DCLK2: variants seen among roughly 807,000 people sequenced by gnomAD.
DCLK2 encodes doublecortin like kinase 2.
Under a neutral mutation model 78.4 loss-of-function variants are expected in DCLK2, and 31 were observed. The observed-to-expected ratio is 0.40, with a 90% confidence interval of 0.30 to 0.53. The LOEUF is 0.53. DCLK2 is among the 20% of genes least tolerant of loss of function. DCLK2 has a pLI of 0.61. For missense variants in DCLK2, 872 were observed against 973.7 expected, an observed-to-expected ratio of 0.90 and a Z score of 1.39; for synonymous variants, 407 against 374.9, an observed-to-expected ratio of 1.09 and a Z score of -0.99.
rs147608927 is a variant in DCLK2 at position 150,209,192 on chromosome 4, C to T, written c.1056+5303C>T. Among the ~76,000 whole-genome samples the T allele has an allele frequency of 4.6e-3, 699 of 152,350 alleles. 9 individuals carry two copies. The highest frequency in any genetic ancestry group is 0.016 in the African/African-American group (664 of 41,572). On this transcript the variant is annotated intron_variant, in intron 5 of 15. Coordinates refer to ENST00000296550, the MANE Select transcript of DCLK2 (RefSeq NM_001040260.4). The stretch of plus-strand genomic sequence containing the variant: ...TCCCTGTTAGGCCTCTTCCCCAGAA[C>T]CTAGCTCCTAGGTATTAGAACTTGG...
rs549009164 is a variant in DCLK2 at position 150,230,537 on chromosome 4, A to G, written c.1300-1800A>G. On this transcript the variant is annotated intron_variant, in intron 8 of 15. Transcript: ENST00000296550. The stretch of plus-strand genomic sequence containing the variant: ...AAAAAACCTATTTAATGACAGTAGC[A>G]ACTGTTGTCTTTGCTTCACACGGAG... 7.9e-5 allele frequency among the ~76,000 whole-genome samples: 12 copies of G among 152,334 alleles called. No homozygotes were observed. In the South Asian group the frequency reaches 2.5e-3, roughly 32 times the overall value.
intron 3 of DCLK2, among the ~76,000 whole-genome samples, chr4:150,194,022 GACACACACACACACACACACACACACAC>G (rs58179559): frequency 4.5e-5 from 6 of 133,782 alleles, no homozygotes; most frequent in Non-Finnish European, 9.4e-5. Flanking sequence ...AAAGTGCTGG[GACACACACACACACACACACACACACAC>G]ACACACACAC....
chr4:150,106,021 T>C (rs1465847845), intron 2 of DCLK2, among the ~76,000 whole-genome samples: 2 of 152,128 alleles, frequency 1.3e-5, no homozygotes, highest in Admixed American at 6.5e-5. Flanking sequence ...TCTCAGATTT[T>C]AGAAATTCAT....
chr4:150,089,053 A>G (rs1384575158), intron 1 of DCLK2, among the ~76,000 whole-genome samples: 2 of 152,146 alleles, frequency 1.3e-5, no homozygotes, highest in African/African-American at 2.4e-5. Flanking sequence ...TAATACTTGC[A>G]TGATACTCAT....
At position 150,172,763 on chromosome 4, in the gene DCLK2, G is replaced by GTTTT. The variant is rs1560832101; in HGVS notation, c.757-20375_757-20374insTTTT. 4.8e-3 allele frequency among the ~76,000 whole-genome samples: 530 copies of GTTTT among 109,292 alleles called. 11 individuals are homozygous for GTTTT. Among genetic ancestry groups the GTTTT allele is most frequent in the African/African-American group, 8.5e-3 (213 of 25,112 alleles). The allele number at this position is 109,292 out of a possible 152,430, so 71.7% of individuals were successfully genotyped here. A position where few individuals can be genotyped will look rare whatever the true frequency, so the allele number is the denominator to read the frequency against. On this transcript the variant is annotated intron_variant, in intron 2 of 15. Transcript: ENST00000296550. ...TAGAGAGTGTTCTTTTTTTTTTTGG[G>GTTTT]GGGGGGGGGGATACCTTGCTCTTTC...
chr4:150,150,701 C>A (rs1734824427), intron 2 of DCLK2, among the ~76,000 whole-genome samples: 1 of 152,154 alleles, frequency 6.6e-6, no homozygotes, highest in African/African-American at 2.4e-5. Flanking sequence ...TTGTTCAAAC[C>A]TGTTTTCTCC....
At chr4:150,146,219 A>G (rs899958658) in intron 2 of DCLK2, among the ~76,000 whole-genome samples, 1 of 152,196 alleles carries the variant, frequency 6.6e-6, no homozygotes, top group Non-Finnish European at 1.5e-5. Flanking sequence ...TTATTTTTGC[A>G]TGTGTTTTAG....
At chr4:150,217,363 T>C (rs1740799185) in intron 5 of DCLK2, among the ~76,000 whole-genome samples, 1 of 152,224 alleles carries the variant, frequency 6.6e-6, no homozygotes, top group Non-Finnish European at 1.5e-5. Flanking sequence ...TCTTACTGAA[T>C]ACTCAGCTTT....
At chr4:150,096,010 A>C (rs1730433717) in intron 1 of DCLK2, among the ~76,000 whole-genome samples, 1 of 152,206 alleles carries the variant, frequency 6.6e-6, no homozygotes, top group Non-Finnish European at 1.5e-5. Flanking sequence ...CCTTTGTTCT[A>C]AGGGCAGTAG....
At chr4:150,155,803 A>G (rs181365854) in intron 2 of DCLK2, among the ~76,000 whole-genome samples, 67 of 152,156 alleles carry the variant, frequency 4.4e-4, no homozygotes, top group Non-Finnish European at 7.8e-4. Context: ...AAATGGGTGG[A>G]TAGGGGTACA....
At chr4:150,184,897 G>A (rs776316822) in intron 2 of DCLK2, among the ~76,000 whole-genome samples, 64 of 152,064 alleles carry the variant, frequency 4.2e-4, no homozygotes, top group Non-Finnish European at 7.8e-4. Context: ...CTCCGTGCCC[G>A]GCCAGTCTTA....
At chr4:150,160,816 T>C (rs1177004724) in intron 2 of DCLK2, among the ~76,000 whole-genome samples, 1 of 152,160 alleles carries the variant, frequency 6.6e-6, no homozygotes, top group African/African-American at 2.4e-5. Context: ...GGGTCATGGA[T>C]AGGAAACAGC....
chr4:150,240,465 A>C lies in DCLK2; in HGVS notation c.1767A>C (p.Pro589=). Residue 589 remains proline, a synonymous_variant, in exon 12 of 16, where the codon CCA becomes CCC. Coordinates refer to ENST00000296550, the MANE Select transcript of DCLK2 (RefSeq NM_001040260.4). ...CATACATACTTCTCTGTGGATTCCC[A>C]CCATTCCGAAGGTAGGCGGCCTTTT... ...VITYILLCGF[P]PFRSENNLQE... is the part of the protein sequence containing the mutation. 6.2e-7 allele frequency: 1 copy of C among 1,613,042 alleles called. No homozygotes were observed. Among genetic ancestry groups the C allele is most frequent in the Non-Finnish European group, 8.5e-7 (1 of 1,179,364 alleles).
At chr4:150,160,436 G>A (rs1735626000) in intron 2 of DCLK2, among the ~76,000 whole-genome samples, 1 of 152,180 alleles carries the variant, frequency 6.6e-6, no homozygotes, top group South Asian at 2.1e-4. Context: ...GCACCATGTT[G>A]ATCAGGAGGT....
At chr4:150,198,125 G>A in intron 4 of DCLK2, 22 bp downstream of exon 4, 1 of 1,589,668 alleles carries the variant, frequency 6.3e-7, no homozygotes, top group South Asian at 1.1e-5. Context: ...AAAAGGAATA[G>A]ATGGTCATAG....
intron 5 of DCLK2, among the ~76,000 whole-genome samples, chr4:150,219,382 C>T (rs1477295829): frequency 2.6e-5 from 4 of 151,364 alleles, no homozygotes; most frequent in Non-Finnish European, 4.4e-5. Flanking sequence ...ATTCTTATGC[C>T]TCCCAGGTAG....
At chr4:150,080,472 A>C (rs2150125945) in intron 1 of DCLK2, among the ~76,000 whole-genome samples, 1 of 152,330 alleles carries the variant, frequency 6.6e-6, no homozygotes, top group East Asian at 1.9e-4. Context: ...GGCAGAACCC[A>C]GGTATGTGCT....
chr4:150,252,182 A>G (rs574183398), intron 15 of DCLK2, among the ~76,000 whole-genome samples: 29 of 152,370 alleles, frequency 1.9e-4, no homozygotes, highest in African/African-American at 7.0e-4. Context: ...GTTTCCAGCG[A>G]TTCCCTTGCG....
intron 2 of DCLK2, among the ~76,000 whole-genome samples, chr4:150,135,277 A>T (rs1733614564): frequency 1.3e-5 from 2 of 152,162 alleles, no homozygotes; most frequent in South Asian, 2.1e-4. Context: ...AGAAACTTTT[A>T]AAAGTCCTGA....
Sources: gnomAD v4.1 joint callset for allele counts (sites outside exome capture counted in the v4.1 genomes callset) on GRCh38, gnomAD v4.1.1 for gene constraint, MANE v1.5 for transcripts, NCBI Gene and HGNC (gene_info 2026-07-23, HGNC 2026-07-21) for gene names.